The following TACC2 variants were observed in gnomAD, a reference collection of about 807,000 sequenced individuals.
The protein encoded by TACC2 is transforming acidic coiled-coil-containing protein 2.
A neutral mutation model predicts 227.3 loss-of-function variants in TACC2; 137 were observed. The ratio of observed to expected loss-of-function variants is 0.60; its 90% confidence interval spans 0.52 to 0.69. The LOEUF is 0.69. Ranked by LOEUF, TACC2 falls within the 30% of genes least tolerant of loss-of-function variation. TACC2 has a pLI of 0.00. For missense variants in TACC2, 3,470 were observed against 3,694.4 expected (o/e 0.94, Z 1.57); for synonymous variants, 1,523 against 1,487.5 (o/e 1.02, Z -0.55).
chr10:122,164,119 G>T, intron 7 of TACC2: 2 of 1,145,790 alleles, frequency 1.7e-6, no homozygotes, highest in Non-Finnish European at 2.5e-6. Flanking sequence ...GTTCTTCGCA[G>T]CCTTGGAAAG....
chr10:122,082,448 G>C (rs2079618700), intron 3 of TACC2, among the ~76,000 whole-genome samples, 199 bp from the exon 4 acceptor site: 3 of 152,086 alleles, frequency 2.0e-5, no homozygotes, highest in Non-Finnish European at 1.5e-5. Context: ...TGGTTTTTGG[G>C]GGAAACGAGG....
chr10:121,997,094 G>C (rs915177575), intron 1 of TACC2, among the ~76,000 whole-genome samples: 1 of 152,198 alleles, frequency 6.6e-6, no homozygotes, highest in Non-Finnish European at 1.5e-5. Context: ...ATGCTGCAGA[G>C]AGGCTGAAAG....
chr10:122,191,970 T>G (rs2094426488), intron 7 of TACC2, among the ~76,000 whole-genome samples: 1 of 152,224 alleles, frequency 6.6e-6, no homozygotes, highest in African/African-American at 2.4e-5. Flanking sequence ...TACAGACTCG[T>G]TGGGGGTGGA....
intron 3 of TACC2, among the ~76,000 whole-genome samples, chr10:122,071,886 CAA>C (rs946551835): frequency 2.1e-4 from 14 of 66,804 alleles, no homozygotes; most frequent in Middle Eastern, 0.015. Flanking sequence ...GACTCTGTCT[CAA>C]AAAAAAAAAA....
At chr10:122,029,540 C>G (rs940682350) in intron 2 of TACC2, among the ~76,000 whole-genome samples, 1 of 152,068 alleles carries the variant, frequency 6.6e-6, no homozygotes, top group Non-Finnish European at 1.5e-5. Flanking sequence ...GTTCTGTTTT[C>G]TAGAAGAGAT....
intron 7 of TACC2, among the ~76,000 whole-genome samples, chr10:122,188,043 G>T (rs554082911): frequency 6.6e-6 from 1 of 152,060 alleles, no homozygotes; most frequent in South Asian, 2.1e-4. Context: ...GGGGAAGTCT[G>T]TCTCCCCATT....
Position 122,210,512 on chromosome 10 carries a change from G to T in TACC2, c.6087G>T (p.Pro2029=). ...SFSAVFDEDK[P]IASSGTYNLD... is the part of the protein sequence containing the mutation. Reference sequence around the variant, plus strand: ...CTGCCGTCTTCGATGAAGACAAGCCGATAGCCAGCAGTGGGACTTACAACT... The same window carrying T: ...CTGCCGTCTTCGATGAAGACAAGCCTATAGCCAGCAGTGGGACTTACAACT... Residue 2029 remains proline, a synonymous_variant, in exon 9 of 23, where the codon CCG becomes CCT. Coordinates refer to ENST00000369005, the MANE Select transcript of TACC2 (RefSeq NM_206862.4). The surrounding 1 kb of genome is among the most constrained non-coding windows in gnomAD (Gnocchi z 4.6). 6.2e-7 allele frequency: 1 copy of T among 1,614,142 alleles called. No homozygotes were observed.
intron 6 of TACC2, among the ~76,000 whole-genome samples, chr10:122,136,152 AC>A (rs145643248): frequency 0.025 from 3,784 of 152,256 alleles, 155 homozygotes; most frequent in African/African-American, 0.085. Context: ...ACAGGAAGCT[AC>A]CCCTATGTTT....
At chr10:122,167,672 T>C (rs11595542) in intron 7 of TACC2, among the ~76,000 whole-genome samples, 5,744 of 152,194 alleles carry the variant, frequency 0.038, 317 homozygotes, top group East Asian at 0.28. Context: ...GAAAATCCGA[T>C]GACTCTGATC....
chr10:122,230,240 G>C, intron 15 of TACC2, 111 bp from the exon 16 acceptor site: 2 of 855,206 alleles, frequency 2.3e-6, no homozygotes, highest in Non-Finnish European at 4.0e-6. Context: ...TGTTTTTCCC[G>C]AGTGCCTGTC....
At chr10:122,094,144 C>A (rs955953017) in intron 5 of TACC2, among the ~76,000 whole-genome samples, 1 of 152,192 alleles carries the variant, frequency 6.6e-6, no homozygotes, top group Non-Finnish European at 1.5e-5. Context: ...TATAAACAAT[C>A]ATATACCAAA....
intron 2 of TACC2, among the ~76,000 whole-genome samples, chr10:122,029,488 T>A (rs541213607): frequency 6.6e-6 from 1 of 152,318 alleles, no homozygotes; most frequent in African/African-American, 2.4e-5. Flanking sequence ...TGTATCAGGG[T>A]AATAGTAGCC....
intron 7 of TACC2, among the ~76,000 whole-genome samples, chr10:122,184,304 C>T (rs2094099525): frequency 3.3e-5 from 5 of 152,134 alleles, no homozygotes; most frequent in African/African-American, 2.4e-5. Flanking sequence ...ATAATACAGC[C>T]TGGGGGTGGG....
At chr10:122,038,594 G>A (rs2073869344) in intron 2 of TACC2, among the ~76,000 whole-genome samples, 1 of 152,150 alleles carries the variant, frequency 6.6e-6, no homozygotes, top group African/African-American at 2.4e-5. Flanking sequence ...TCCGTCGTGG[G>A]CGTACTTGAG....
At chr10:122,137,785 T>C (rs2089948741) in intron 6 of TACC2, among the ~76,000 whole-genome samples, 1 of 152,294 alleles carries the variant, frequency 6.6e-6, no homozygotes, top group South Asian at 2.1e-4. Context: ...TTTCCAGTCC[T>C]TGGAGAACCA....
chr10:122,229,796 A>G (rs1057352944), intron 15 of TACC2, among the ~76,000 whole-genome samples: 4 of 152,214 alleles, frequency 2.6e-5, no homozygotes, highest in Non-Finnish European at 2.9e-5. Context: ...CTGAACCAAG[A>G]ATATTAGATC....
chr10:122,137,491 GT>G (rs761620173), intron 6 of TACC2, among the ~76,000 whole-genome samples: 20 of 151,994 alleles, frequency 1.3e-4, no homozygotes, highest in Non-Finnish European at 2.2e-4. Flanking sequence ...AAGCAGAATG[GT>G]TTTTTCAATG....
intron 6 of TACC2, among the ~76,000 whole-genome samples, chr10:122,135,516 C>T (rs1022770748): frequency 1.3e-5 from 2 of 152,174 alleles, no homozygotes; most frequent in African/African-American, 4.8e-5. Flanking sequence ...ATTTTGGTGC[C>T]TTGTTGGTGT....
intron 7 of TACC2, among the ~76,000 whole-genome samples, chr10:122,156,987 C>G (rs543275664): frequency 6.6e-6 from 1 of 152,156 alleles, no homozygotes; most frequent in South Asian, 2.1e-4. Context: ...TGGCACACGT[C>G]TGTGGTCCCA....
Sources: allele counts gnomAD v4.1 joint callset (sites outside exome capture counted in the v4.1 genomes callset), GRCh38; gene constraint gnomAD v4.1.1; non-coding constraint Gnocchi (gnomAD v3.1); transcripts MANE v1.5; gene names NCBI Gene and HGNC (gene_info 2026-07-23, HGNC 2026-07-21).